Variants in ITGAV observed in about 807,000 individuals in gnomAD.
The protein encoded by ITGAV is integrin subunit alpha V, also known as integrin alpha-V.
ITGAV carries 76 observed loss-of-function variants against 143.8 expected under a neutral mutation model. The ratio of observed to expected loss-of-function variants is 0.53; its 90% CI spans 0.44 to 0.64. The LOEUF (loss-of-function observed/expected upper bound fraction) is 0.64. ITGAV is among the 30% of genes least tolerant of loss of function. The pLI, the probability that ITGAV is intolerant of heterozygous loss-of-function variation, is 0.00. For synonymous variants in ITGAV, 453 were observed against 446.7 expected, an observed-to-expected ratio of 1.01 and a Z score of -0.18; for missense variants, 1,193 against 1,274.7, an observed-to-expected ratio of 0.94 and a Z score of 0.98.
intron 1 of ITGAV, among the ~76,000 whole-genome samples, chr2:186,592,630 A>G (rs1300054210): frequency 7.3e-5 from 11 of 151,718 alleles, no homozygotes; most frequent in Admixed American, 6.6e-4. Flanking sequence ...GATATTTGCT[A>G]CTGCTGATTA....
intron 26 of ITGAV, among the ~76,000 whole-genome samples, chr2:186,671,518 C>T (rs1307521530): frequency 2.6e-5 from 4 of 152,108 alleles, no homozygotes; most frequent in Non-Finnish European, 4.4e-5. Flanking sequence ...CAGAGATCTT[C>T]CCTGACCAAC....
intron 26 of ITGAV, 144 bp from the exon 27 acceptor site, chr2:186,675,460 C>T: frequency 1.6e-6 from 1 of 631,630 alleles, no homozygotes; most frequent in South Asian, 2.0e-5. Flanking sequence ...ATAGACTCAA[C>T]TATTAGCCTG....
chr2:186,616,166 T>C (rs1308476495), intron 2 of ITGAV, among the ~76,000 whole-genome samples: 3 of 152,088 alleles, frequency 2.0e-5, no homozygotes, highest in African/African-American at 7.2e-5. Flanking sequence ...CTAAAAATAC[T>C]AAAAGTGTCA....
chr2:186,649,711 T>C, intron 13 of ITGAV, 129 bp from the exon 14 acceptor site: 2 of 539,138 alleles, frequency 3.7e-6, no homozygotes, highest in African/African-American at 2.0e-5. Flanking sequence ...TTATATGATG[T>C]CTTACAACCT....
At chr2:186,596,952 T>C (rs1000611861) in intron 1 of ITGAV, among the ~76,000 whole-genome samples, 19 of 152,216 alleles carry the variant, frequency 1.2e-4, no homozygotes, top group African/African-American at 4.6e-4. Flanking sequence ...AAATTTAGCA[T>C]GTAGATATTG....
chr2:186,594,316 T>G (rs1257583708), intron 1 of ITGAV, among the ~76,000 whole-genome samples: 1 of 152,230 alleles, frequency 6.6e-6, no homozygotes, highest in Non-Finnish European at 1.5e-5. Context: ...TCTGTCACCT[T>G]GGAAATACTT....
intron 25 of ITGAV, 132 bp downstream of exon 25, chr2:186,669,052 A>G (rs2105747815): frequency 8.5e-6 from 6 of 709,656 alleles, no homozygotes; most frequent in Middle Eastern, 4.2e-4. Context: ...GGTTTAGTTC[A>G]TAAGCAGTAC....
intron 1 of ITGAV, among the ~76,000 whole-genome samples, chr2:186,594,161 A>C (rs1344961640): frequency 5.9e-5 from 9 of 152,192 alleles, no homozygotes; most frequent in Admixed American, 5.9e-4. Context: ...TAAATCTAAA[A>C]GTAGATCTCT....
chr2:186,593,862 T>C (rs1452377517), intron 1 of ITGAV, among the ~76,000 whole-genome samples: 1 of 152,220 alleles, frequency 6.6e-6, no homozygotes, highest in Non-Finnish European at 1.5e-5. Context: ...AATTCAAATA[T>C]TGAATTTTTA....
chr2:186,611,023 A>G (rs1318318076), intron 2 of ITGAV, among the ~76,000 whole-genome samples: 2 of 152,186 alleles, frequency 1.3e-5, no homozygotes, highest in Non-Finnish European at 2.9e-5. Context: ...TCACTGGGCC[A>G]AATCAAGGTG....
At position 186,677,557 on chromosome 2, in the gene ITGAV, G is replaced by A; in HGVS notation, c.*265G>A. 1 of 290,964 alleles carries A rather than the reference G, an allele frequency of 3.4e-6. No homozygotes were observed. The highest frequency in any genetic ancestry group is 6.5e-6 in the Non-Finnish European group (1 of 154,158). 18.0% of individuals were successfully genotyped at this position (290,964 alleles called of 1,614,324 possible). A position where few individuals can be genotyped will look rare whatever the true frequency, so the allele number is the denominator to read the frequency against. ...GATAGTTTTTATTCAATGTATATAA[G>A]ACAGGTAGTGCCTGATTTACTACTT... On this transcript the variant is annotated 3_prime_UTR_variant, in exon 30 of 30. Coordinates refer to ENST00000261023, the MANE Select transcript of ITGAV (RefSeq NM_002210.5).
At chr2:186,638,152 C>G in intron 8 of ITGAV, 125 bp from the exon 9 acceptor site, 2 of 775,450 alleles carry the variant, frequency 2.6e-6, no homozygotes, top group South Asian at 3.4e-5. Flanking sequence ...ACCAATTTTT[C>G]TAAATTGATT....
chr2:186,646,732 TG>T lies in ITGAV; in HGVS notation c.1207del (p.Val403PhefsTer11). 6.2e-7 allele frequency: 1 copy of T among 1,606,250 alleles called. No homozygotes were observed. Among genetic ancestry groups the T allele is most frequent in the Non-Finnish European group, 8.5e-7 (1 of 1,174,804 alleles). On this transcript the variant is annotated frameshift_variant, in exon 13 of 30. Transcript: ENST00000261023. LOFTEE classifies it high-confidence loss of function. Reference sequence around the variant, plus strand: ...ATGGGGGTGAAGATAAAAAAGGAATTGTTTATATCTTCAATGGAAGATCAAC... The same window carrying T: ...ATGGGGGTGAAGATAAAAAAGGAATTTTTATATCTTCAATGGAAGATCAAC... The part of the protein sequence containing the change: ...PYGGEDKKGI[V>X]YIFNGRSTGL...
At chr2:186,592,487 T>C (rs1246596317) in intron 1 of ITGAV, among the ~76,000 whole-genome samples, 1 of 151,598 alleles carries the variant, frequency 6.6e-6, no homozygotes, top group East Asian at 1.9e-4. Flanking sequence ...ATAAAGTTGA[T>C]GGCAGTGTTT....
chr2:186,615,007 C>T (rs932075172), intron 2 of ITGAV, among the ~76,000 whole-genome samples: 5 of 152,012 alleles, frequency 3.3e-5, no homozygotes, highest in Non-Finnish European at 5.9e-5. Flanking sequence ...CAACATCAGT[C>T]TCTCCCCATT....
At chr2:186,648,079 ATTTC>A (rs1559058080) in intron 13 of ITGAV, among the ~76,000 whole-genome samples, 2 of 152,168 alleles carry the variant, frequency 1.3e-5, no homozygotes, top group Non-Finnish European at 1.5e-5. Flanking sequence ...TTTCAGAAAC[ATTTC>A]TTTATTATTC....
intron 2 of ITGAV, among the ~76,000 whole-genome samples, chr2:186,610,409 C>T (rs1380321140): frequency 1.3e-5 from 2 of 152,116 alleles, no homozygotes; most frequent in African/African-American, 4.8e-5. Context: ...GGCTTGTCAT[C>T]TTTATTTTTC....
rs1202527086 is a variant in ITGAV, at chr2:186,599,970, T to C, written c.186-2051T>C. Among the ~76,000 whole-genome samples, 3 of 152,248 alleles carry C rather than the reference T, an allele frequency of 2.0e-5. No homozygotes were observed. The East Asian group carries it at 5.8e-4, about 29-fold the overall frequency. On this transcript the variant is annotated intron_variant, in intron 1 of 29. Coordinates refer to ENST00000261023, the MANE Select transcript of ITGAV (RefSeq NM_002210.5). ...AGCTGCGGCCAGTCCTTTGCTTTCC[T>C]TGTTCCATTTTTTTCTCCCTCTCCC...
intron 18 of ITGAV, among the ~76,000 whole-genome samples, chr2:186,663,184 A>G (rs1688795249): frequency 6.6e-6 from 1 of 151,906 alleles, no homozygotes; most frequent in Non-Finnish European, 1.5e-5. Context: ...ATAATGCTTC[A>G]AGTTCCTTTT....
Sources: allele counts gnomAD v4.1 joint callset (sites outside exome capture counted in the v4.1 genomes callset), GRCh38; gene constraint gnomAD v4.1.1; transcripts MANE v1.5; gene names NCBI Gene and HGNC (gene_info 2026-07-23, HGNC 2026-07-21).